The following UHRF2 variants were observed in gnomAD, a reference collection of about 807,000 sequenced individuals.
UHRF2 encodes ubiquitin like with PHD and ring finger domains 2, also known as E3 ubiquitin-protein ligase UHRF2.
A neutral mutation model predicts 96.8 loss-of-function variants in UHRF2; 23 were observed. That is an observed-to-expected ratio of 0.24 (90% CI 0.17 to 0.34). The LOEUF (loss-of-function observed/expected upper bound fraction) is 0.34, where lower values mean the gene tolerates loss of function less well. Ranked by LOEUF, UHRF2 falls within the 10% of genes least tolerant of loss-of-function variation. The pLI is 1.00. For missense variants in UHRF2, 685 were observed against 981.5 expected, an observed-to-expected ratio of 0.70 and a Z score of 4.04; for synonymous variants, 385 against 332.6, an observed-to-expected ratio of 1.16 and a Z score of -1.72.
intron 2 of UHRF2, among the ~76,000 whole-genome samples, chr9:6,427,666 C>T (rs1820334356): frequency 6.6e-6 from 1 of 152,112 alleles, no homozygotes; most frequent in Admixed American, 6.5e-5. Context: ...GCCTGGGTGA[C>T]AGAGCAAGAC....
At chr9:6,450,311 C>A (rs935056196) in intron 3 of UHRF2, among the ~76,000 whole-genome samples, 1 of 145,504 alleles carries the variant, frequency 6.9e-6, no homozygotes, top group Non-Finnish European at 1.5e-5. Flanking sequence ...CCTTCCCCCC[C>A]CCCCATTTAT....
intron 12 of UHRF2, chr9:6,499,506 T>C (rs1011656077): frequency 1.2e-5 from 2 of 163,056 alleles, no homozygotes; most frequent in African/African-American, 4.8e-5. Flanking sequence ...TGGTTCTCAT[T>C]TACCTTCATT....
intron 3 of UHRF2, among the ~76,000 whole-genome samples, chr9:6,452,924 A>G (rs1439879652): frequency 6.6e-6 from 1 of 152,136 alleles, no homozygotes; most frequent in Non-Finnish European, 1.5e-5. Context: ...AATATTAGGT[A>G]ACATTTGAGC....
At chr9:6,425,893 A>G (rs1426012538) in intron 2 of UHRF2, among the ~76,000 whole-genome samples, 2 of 152,236 alleles carry the variant, frequency 1.3e-5, no homozygotes, top group Non-Finnish European at 2.9e-5. Context: ...ACCTGTGTAT[A>G]TATACATCTA....
intron 8 of UHRF2, among the ~76,000 whole-genome samples, chr9:6,485,850 T>C: frequency 6.9e-6 from 1 of 145,294 alleles, no homozygotes; most frequent in East Asian, 2.0e-4. Flanking sequence ...ACCAATTGTA[T>C]GACCAACAGA....
chr9:6,427,556 G>A (rs540975277), intron 2 of UHRF2, among the ~76,000 whole-genome samples: 11 of 152,208 alleles, frequency 7.2e-5, no homozygotes, highest in Non-Finnish European at 1.2e-4. Context: ...CTGTGGTGGC[G>A]TACGACTAAT....
intron 3 of UHRF2, among the ~76,000 whole-genome samples, chr9:6,452,253 A>G (rs902749306): frequency 2.6e-5 from 4 of 152,204 alleles, no homozygotes; most frequent in African/African-American, 9.6e-5. Flanking sequence ...AGCTATAAAT[A>G]GCCTTGTGTA....
chr9:6,440,026 T>A (rs942492180), intron 3 of UHRF2, among the ~76,000 whole-genome samples: 2 of 152,186 alleles, frequency 1.3e-5, no homozygotes, highest in Non-Finnish European at 2.9e-5. Context: ...TCTTCCTCAA[T>A]GTTCTGTATT....
In UHRF2 at chr9:6,494,035, G is replaced by A. The variant is rs1049103557; in HGVS notation, c.1604+103G>A. 7 of 970,602 alleles carry A rather than the reference G, an allele frequency of 7.2e-6. No homozygotes were observed. The African/African-American group carries it at 8.3e-5, about 12-fold the overall frequency. 60.1% of individuals were successfully genotyped at this position (970,602 alleles called of 1,614,324 possible). A position where few individuals can be genotyped will look rare whatever the true frequency, so the allele number is the denominator to read the frequency against. On this transcript the variant is annotated intron_variant, in intron 10 of 15. Coordinates refer to ENST00000276893, the MANE Select transcript of UHRF2 (RefSeq NM_152896.3). ...TGCAGAGGAGAATTTCAAACTGGGA[G>A]TTAAAGATCTGAAATTAAAATTCCA...
Position 6,484,862 on chromosome 9 carries a change from C to T in UHRF2, c.1393-1959C>T, listed in dbSNP as rs376609946. ...AGGCTGGAGTGCAGTGGCACAATCT[C>T]GGCTCACCGCAACCTCCGCCTCCTG... On this transcript the variant is annotated intron_variant, in intron 8 of 15. Transcript: ENST00000276893. Among the ~76,000 whole-genome samples the T allele has an allele frequency of 1.4e-4, 18 of 128,746 alleles. 1 individual carries two copies. The East Asian group carries it at 1.4e-3, about 10-fold the overall frequency. The allele number at this position is 128,746 out of a possible 152,430, so 84.5% of individuals were successfully genotyped here.
In UHRF2 at chr9:6,506,314, C is replaced by A; in HGVS notation, c.*135C>A. 8.6e-7 allele frequency: 1 copy of A among 1,166,966 alleles called. No homozygotes were observed. The allele number at this position is 1,166,966 out of a possible 1,614,324, so 72.3% of individuals were successfully genotyped here. ...CAGCTAATCCTCTTTCCCACATAGC[C>A]ATCATCTTGTGTGTGTAGTAAGAGG... On this transcript the variant is annotated 3_prime_UTR_variant, in exon 16 of 16. Coordinates refer to ENST00000276893, the MANE Select transcript of UHRF2 (RefSeq NM_152896.3).
chr9:6,491,893 ATATTT>A (rs1399269121), intron 9 of UHRF2, among the ~76,000 whole-genome samples: 1 of 152,162 alleles, frequency 6.6e-6, no homozygotes, highest in African/African-American at 2.4e-5. Flanking sequence ...CATAGGAAAA[ATATTT>A]TATTTTTATT....
chr9:6,452,368 C>A (rs1475812811), intron 3 of UHRF2, among the ~76,000 whole-genome samples: 1 of 152,174 alleles, frequency 6.6e-6, no homozygotes, highest in African/African-American at 2.4e-5. Context: ...TTAACAGATG[C>A]CCCTCTAAGA....
chr9:6,415,036 T>G (rs1457055065), intron 1 of UHRF2: 1 of 152,204 alleles, frequency 6.6e-6, no homozygotes, highest in East Asian at 1.9e-4. Flanking sequence ...TGAAAAAGCA[T>G]GTAATCGTTT....
intron 3 of UHRF2, among the ~76,000 whole-genome samples, chr9:6,448,082 C>T (rs780248232): frequency 9.9e-5 from 15 of 152,090 alleles, no homozygotes; most frequent in Non-Finnish European, 1.9e-4. Flanking sequence ...GTGGACCAGG[C>T]GTAAAGCCTA....
intron 5 of UHRF2, among the ~76,000 whole-genome samples, chr9:6,477,236 A>G (rs931104573): frequency 1.3e-5 from 2 of 151,738 alleles, no homozygotes; most frequent in Non-Finnish European, 2.9e-5. Flanking sequence ...TCCATCTCAA[A>G]AAAAAAGACT....
At chr9:6,445,981 C>CTTTTTTTTTTTTTTTTTTTTT (rs57147850) in intron 3 of UHRF2, among the ~76,000 whole-genome samples, 4 of 78,906 alleles carry the variant, frequency 5.1e-5, no homozygotes, top group Admixed American at 1.6e-4. Flanking sequence ...CCCCGCCACC[C>CTTTTTTTTTTTTTTTTTTTTT]TTTTTTTTTT....
chr9:6,504,017 T>C (rs1268626261), intron 14 of UHRF2, among the ~76,000 whole-genome samples: 1 of 114,482 alleles, frequency 8.7e-6, no homozygotes, highest in Non-Finnish European at 1.9e-5. Context: ...ATAGAAGACT[T>C]TTTTTTTTTT....
intron 3 of UHRF2, among the ~76,000 whole-genome samples, chr9:6,451,512 T>C (rs1302232202): frequency 3.3e-5 from 5 of 152,092 alleles, no homozygotes; most frequent in Admixed American, 2.6e-4. Flanking sequence ...GGAGTCTCGC[T>C]GTCGCCCAGG....
Sources: allele counts gnomAD v4.1 joint callset (sites outside exome capture counted in the v4.1 genomes callset), GRCh38; gene constraint gnomAD v4.1.1; transcripts MANE v1.5; gene names NCBI Gene and HGNC (gene_info 2026-07-23, HGNC 2026-07-21).